The following PCDHGA2 variants were observed in gnomAD, a reference collection of about 807,000 sequenced individuals.
The protein encoded by PCDHGA2 is protocadherin gamma subfamily A, 2.
Under a neutral mutation model 59.2 loss-of-function variants are expected in PCDHGA2, and 40 were observed. The observed-to-expected ratio is 0.68, with a 90% CI of 0.52 to 0.88. The LOEUF (loss-of-function observed/expected upper bound fraction) is 0.88, where lower values mean the gene tolerates loss of function less well. Ranked by LOEUF, PCDHGA2 falls within the 40% of genes least tolerant of loss-of-function variation. The pLI is 0.00. For synonymous variants in PCDHGA2, 560 were observed against 526.0 expected (o/e 1.06, Z -0.89); for missense variants, 1,226 against 1,204.0 (o/e 1.02, Z -0.27).
At position 141,357,422 on chromosome 5, in the gene PCDHGA2, T is replaced by A. The variant is rs1277142896; in HGVS notation, c.2424+16027T>A. 1.9e-6 allele frequency: 3 copies of A among 1,614,254 alleles called. No individual in the cohort carries two copies. The African/African-American group carries it at 4.0e-5, about 22-fold the overall frequency. On this transcript the variant is annotated intron_variant, in intron 1 of 3. Coordinates refer to ENST00000394576, the MANE Select transcript of PCDHGA2 (RefSeq NM_018915.4). ...GCAGGTGTGCCTGCCTCGCACTTTG[T>A]GGGCGTGGACGGGGTTCGGGCTTTC...
At position 141,341,362 on chromosome 5, in the gene PCDHGA2, A is replaced by G. The variant is rs372379863; in HGVS notation, c.2391A>G (p.Leu797=). The G allele has an allele frequency of 2.5e-6, 4 of 1,614,184 alleles. No homozygotes were observed. Among genetic ancestry groups the G allele is most frequent in the Non-Finnish European group, 3.4e-6 (4 of 1,180,040 alleles). The change falls in exon 1 of 4, where the codon CTA becomes CTG. Residue 797 remains leucine (L), a synonymous_variant. Coordinates refer to ENST00000394576, the MANE Select transcript of PCDHGA2 (RefSeq NM_018915.4). ...KKDFLSAPQS[L]LEEEREETFS... Reference sequence around the variant, plus strand: ...ATTTTTTATCAGCGCCTCAATCTCTACTCGAAGAAGAAAGAGAAGAAACGT... The same window carrying G: ...ATTTTTTATCAGCGCCTCAATCTCTGCTCGAAGAAGAAAGAGAAGAAACGT...
intron 1 of PCDHGA2, among the ~76,000 whole-genome samples, chr5:141,453,101 T>TTTTTG (rs879618609): frequency 3.2e-4 from 49 of 152,130 alleles, no homozygotes; most frequent in Middle Eastern, 6.8e-3. Flanking sequence ...TTCTGTTGCT[T>TTTTTG]TTTTGTTTTG....
At chr5:141,426,021 A>G (rs1590662256) in intron 1 of PCDHGA2, among the ~76,000 whole-genome samples, 2 of 152,312 alleles carry the variant, frequency 1.3e-5, no homozygotes, top group East Asian at 3.9e-4. Context: ...AGTTTTCTAA[A>G]TAGACTCAGA....
chr5:141,354,934 A>T, intron 1 of PCDHGA2: 1 of 419,850 alleles, frequency 2.4e-6, no homozygotes, highest in Non-Finnish European at 4.1e-6. Context: ...AACTTTTTTT[A>T]ACCAAGAATA....
rs768272354 is a variant in PCDHGA2, at chr5:141,339,148, G to A, written c.177G>A (p.Leu59=). The A allele has an allele frequency of 1.2e-6, 2 of 1,614,212 alleles. No individual in the cohort carries two copies. Among genetic ancestry groups the A allele is most frequent in the South Asian group, 2.2e-5 (2 of 91,092 alleles). The change falls in exon 1 of 4, where the codon CTG becomes CTA. Residue 59 remains leucine (L), a synonymous_variant. Coordinates refer to ENST00000394576, the MANE Select transcript of PCDHGA2 (RefSeq NM_018915.4). ...ACTTGGGTTTGGAGCCCCTGGCACT[G>A]GCAGAGCAGGGAGTCCGCATCGTCT... The part of the protein sequence containing the change: ...AKDLGLEPLA[L]AEQGVRIVSR...
Position 141,361,067 on chromosome 5 carries a change from T to C in PCDHGA2, c.2424+19672T>C, listed in dbSNP as rs372172777. On this transcript the variant is annotated intron_variant, in intron 1 of 3. Transcript: ENST00000394576. ...ACAAAGGATGATTTGGATTTTGAGA[T>C]TGCAAGTAGTTACACTCTGAGTATC... 4.3e-6 allele frequency: 7 copies of C among 1,613,804 alleles called. 1 individual carries two copies. In the South Asian group the frequency reaches 5.5e-5, roughly 13 times the overall value.
intron 1 of PCDHGA2, among the ~76,000 whole-genome samples, chr5:141,438,629 TATATATACACACAC>T (rs1468553117): frequency 3.8e-3 from 181 of 48,054 alleles, no homozygotes; most frequent in Non-Finnish European, 5.4e-3. Flanking sequence ...TATATATATA[TATATATACACACAC>T]ACACACACAT....
chr5:141,422,836 G>A, intron 1 of PCDHGA2: 1 of 1,614,250 alleles, frequency 6.2e-7, no homozygotes, highest in Middle Eastern at 1.6e-4. Flanking sequence ...GATAGCACGT[G>A]ACAGCGGGGA....
At chr5:141,426,916 A>T (rs1227752756) in intron 1 of PCDHGA2, 2 of 456,618 alleles carry the variant, frequency 4.4e-6, no homozygotes, top group Non-Finnish European at 4.4e-6. Context: ...CTGGTCCTGG[A>T]AGCAATGGAC....
chr5:141,413,456 T>C (rs2095643709), intron 1 of PCDHGA2: 30 of 1,613,982 alleles, frequency 1.9e-5, no homozygotes, highest in South Asian at 2.2e-5. Flanking sequence ...GCGGGCAGGA[T>C]AGACCGGGAG....
At chr5:141,365,169 C>T in intron 1 of PCDHGA2, 1 of 1,613,926 alleles carries the variant, frequency 6.2e-7, no homozygotes, top group Non-Finnish European at 8.5e-7. Flanking sequence ...TTGACCTACT[C>T]TTTTCGCAAT....
At position 141,491,257 on chromosome 5, in the gene PCDHGA2, G is replaced by GAAAT. The variant is rs1562145331; in HGVS notation, c.2425-3549_2425-3546dup. On this transcript the variant is annotated intron_variant, in intron 1 of 3. Transcript: ENST00000394576. The surrounding 1 kb of genome is among the most constrained non-coding windows in gnomAD (Gnocchi z 6.9). ...GGTTCTGGAGGATGAGGACCCTGAG[G>GAAAT]AAATGCCCAAATCCAGTGACTTCCT... is the stretch of plus-strand genomic sequence containing the variant. 6.2e-7 allele frequency: 1 copy of GAAAT among 1,614,170 alleles called. No individual in the cohort carries two copies. Among genetic ancestry groups the GAAAT allele is most frequent in the East Asian group, 2.2e-5 (1 of 44,884 alleles).
At chr5:141,430,149 C>T (rs1051033560) in intron 1 of PCDHGA2, among the ~76,000 whole-genome samples, 4 of 151,968 alleles carry the variant, frequency 2.6e-5, no homozygotes, top group African/African-American at 9.7e-5. Flanking sequence ...CAGGATCATT[C>T]AAGGAATCTA....
At chr5:141,496,583 C>A (rs990137003) in intron 2 of PCDHGA2, among the ~76,000 whole-genome samples, 1 of 152,168 alleles carries the variant, frequency 6.6e-6, no homozygotes, top group African/African-American at 2.4e-5. Flanking sequence ...TTTAGGAACG[C>A]AAAGCGCTTC....
chr5:141,371,193 A>T, intron 1 of PCDHGA2: 1 of 1,614,034 alleles, frequency 6.2e-7, no homozygotes. Flanking sequence ...AGTGATGGCC[A>T]TTGACATGGA....
chr5:141,385,205 T>A, intron 1 of PCDHGA2: 1 of 1,614,228 alleles, frequency 6.2e-7, no homozygotes, highest in Non-Finnish European at 8.5e-7. Flanking sequence ...AGTCACCTGA[T>A]CTTCCCCCAG....
At chr5:141,352,113 G>A (rs1758920100) in intron 1 of PCDHGA2, 2 of 1,607,732 alleles carry the variant, frequency 1.2e-6, no homozygotes, top group Non-Finnish European at 1.7e-6. Flanking sequence ...CTGGGGTTGC[G>A]CACGGGTGAG....
intron 1 of PCDHGA2, chr5:141,387,711 C>T: frequency 9.6e-7 from 1 of 1,041,396 alleles, no homozygotes; most frequent in Non-Finnish European, 1.4e-6. Flanking sequence ...GCAGCCCCAG[C>T]TCAGACTCCC....
At chr5:141,420,699 C>T (rs2096518531) in intron 1 of PCDHGA2, among the ~76,000 whole-genome samples, 1 of 152,236 alleles carries the variant, frequency 6.6e-6, no homozygotes, top group African/African-American at 2.4e-5. Context: ...ATTATTTCCA[C>T]TTCCAGAAAT....
Sources: allele counts gnomAD v4.1 joint callset (sites outside exome capture counted in the v4.1 genomes callset), GRCh38; gene constraint gnomAD v4.1.1; non-coding constraint Gnocchi (gnomAD v3.1); transcripts MANE v1.5; gene names NCBI Gene and HGNC (gene_info 2026-07-23, HGNC 2026-07-21).